The following DEAF1 variants were observed in gnomAD, a reference collection of about 807,000 sequenced individuals.
DEAF1 encodes the protein DEAF1 transcription factor.
A neutral mutation model predicts 58.9 loss-of-function variants in DEAF1; 53 were observed. That is an observed-to-expected ratio of 0.90 (90% CI 0.72 to 1.13). DEAF1 has a LOEUF of 1.13. DEAF1 is among the 50% of genes most tolerant of loss of function. The pLI, the probability that DEAF1 is intolerant of heterozygous loss-of-function variation, is 0.00. For missense variants in DEAF1, 685 were observed against 791.4 expected (o/e 0.87, Z 1.61); for synonymous variants, 385 against 340.4 (o/e 1.13, Z -1.44).
chr11:654,053 T>C lies in DEAF1; in HGVS notation c.1504-2A>G. The C allele has an allele frequency of 1.9e-6, 3 of 1,612,344 alleles. No homozygotes were observed. Among genetic ancestry groups the C allele is most frequent in the Non-Finnish European group, 2.5e-6 (3 of 1,179,678 alleles). Reference sequence around the variant, plus strand: ...CCGGCCGCAGTTAACGCAGGACTGCTGCAAGAAGGACACAACAGGCCAGTC... The same window carrying C: ...CCGGCCGCAGTTAACGCAGGACTGCCGCAAGAAGGACACAACAGGCCAGTC... On this transcript the variant is annotated splice_acceptor_variant, in intron 10 of 11. Coordinates refer to ENST00000382409, the MANE Select transcript of DEAF1 (RefSeq NM_021008.4). LOFTEE classifies it high-confidence loss of function.
rs144824884 is a variant in DEAF1, at chr11:701,693, G to A, written c.-438+4879C>T. Among the ~76,000 whole-genome samples, 280 of 152,208 alleles carry A rather than the reference G, an allele frequency of 1.8e-3. 2 individuals are homozygous for A. The highest frequency in any genetic ancestry group is 3.4e-3 in the Middle Eastern group (1 of 294). ...CAAAGTGCTGGGATTACAGGCGTGA[G>A]CCACCGCGCCCGGCCGGAGACAGGG... On this transcript the variant is annotated intron_variant, in intron 1 of 11. Transcript: ENST00000683307.
intron 1 of DEAF1, among the ~76,000 whole-genome samples, chr11:694,269 TAG>T (rs1860984525): frequency 8.8e-6 from 1 of 114,072 alleles, no homozygotes; most frequent in African/African-American, 3.5e-5. Context: ...CAGGTGAGGC[TAG>T]GCAGGTCACC....
chr11:678,248 G>A (rs1344947356), intron 9 of DEAF1: 3 of 195,980 alleles, frequency 1.5e-5, no homozygotes, highest in African/African-American at 7.1e-5. Context: ...ATCAAAGTTA[G>A]AATGCATTTA....
upstream of DEAF1, among the ~76,000 whole-genome samples, chr11:698,625 G>T (rs1349201411): frequency 2.0e-5 from 3 of 152,230 alleles, no homozygotes; most frequent in African/African-American, 7.2e-5. Context: ...CCACCCCGGT[G>T]CCCCCGGTAC....
intron 11 of DEAF1, among the ~76,000 whole-genome samples, chr11:649,207 C>T (rs913244511): frequency 2.0e-5 from 3 of 151,752 alleles, no homozygotes; most frequent in Non-Finnish European, 4.4e-5. Flanking sequence ...GCCGAGATTG[C>T]GCCACTGCAC....
At chr11:703,515 AG>A in intron 1 of DEAF1, 1 of 1,238,886 alleles carries the variant, frequency 8.1e-7, no homozygotes, top group African/African-American at 1.5e-5. Context: ...TTCAGAACAG[AG>A]GCCTCATCTC....
intron 10 of DEAF1, among the ~76,000 whole-genome samples, chr11:666,886 A>G (rs1031380548): frequency 1.3e-5 from 2 of 151,422 alleles, no homozygotes; most frequent in Non-Finnish European, 2.9e-5. Flanking sequence ...AAAAAAAAAA[A>G]AAAAAAAAAA....
At chr11:686,206 CCT>C in intron 5 of DEAF1, among the ~76,000 whole-genome samples, 1 of 151,198 alleles carries the variant, frequency 6.6e-6, no homozygotes, top group Admixed American at 6.6e-5. Flanking sequence ...GTGGGACAAT[CCT>C]CTGAGCCTGG....
upstream of DEAF1, among the ~76,000 whole-genome samples, chr11:696,422 C>T (rs1312664568): frequency 2.0e-5 from 3 of 152,174 alleles, no homozygotes; most frequent in Non-Finnish European, 4.4e-5. Context: ...TAAAGAATGG[C>T]TACTCCATAG....
intron 11 of DEAF1, among the ~76,000 whole-genome samples, chr11:647,139 C>T (rs1411012129): frequency 2.0e-5 from 3 of 152,068 alleles, no homozygotes; most frequent in Non-Finnish European, 4.4e-5. Flanking sequence ...GCCTGGGTGA[C>T]AAAGCGAGAC....
At chr11:682,020 C>G (rs1215040901) in intron 6 of DEAF1, among the ~76,000 whole-genome samples, 1 of 152,234 alleles carries the variant, frequency 6.6e-6, no homozygotes, top group African/African-American at 2.4e-5. Flanking sequence ...TCTCTGGGAT[C>G]CTTGCTGCTG....
At chr11:667,373 A>G (rs1229114209) in intron 10 of DEAF1, among the ~76,000 whole-genome samples, 24 of 130,450 alleles carry the variant, frequency 1.8e-4, no homozygotes, top group East Asian at 2.6e-4. Flanking sequence ...GGGAGGGAGG[A>G]AGGAAGGAAG....
upstream of DEAF1, chr11:700,024 C>T: frequency 1.3e-6 from 1 of 764,676 alleles, no homozygotes; most frequent in Non-Finnish European, 2.2e-6. Flanking sequence ...GCCAAGACTC[C>T]ATGGTCCCTT....
At chr11:693,486 T>A (rs1053129578) in intron 1 of DEAF1, 1 of 152,042 alleles carries the variant, frequency 6.6e-6, no homozygotes, top group African/African-American at 2.4e-5. Context: ...TGCCCTGACA[T>A]ACCCAGCACA....
chr11:647,023 G>A (rs938283493), intron 11 of DEAF1, among the ~76,000 whole-genome samples: 2 of 152,144 alleles, frequency 1.3e-5, no homozygotes, highest in Non-Finnish European at 2.9e-5. Context: ...GCTGGGTGTG[G>A]TGGCTCATGC....
In DEAF1 at chr11:644,688, CAGTGGGTG is replaced by C; in HGVS notation, c.1594-42_1594-35del. 2 of 1,542,138 alleles carry C rather than the reference CAGTGGGTG, an allele frequency of 1.3e-6. No individual in the cohort carries two copies. Among genetic ancestry groups the C allele is most frequent in the Non-Finnish European group, 8.8e-7 (1 of 1,132,256 alleles). On this transcript the variant is annotated intron_variant, in intron 11 of 11. Coordinates refer to ENST00000382409, the MANE Select transcript of DEAF1 (RefSeq NM_021008.4). The surrounding 1 kb of genome is among the most constrained non-coding windows in gnomAD (Gnocchi z 4.3). Reference sequence around the variant, plus strand: ...GAGGACACACCCATGTCAGCAGGGTCAGTGGGTGGAGCAGGGTCTGGGCAGGGTCCCCA... The same window carrying C: ...GAGGACACACCCATGTCAGCAGGGTCGAGCAGGGTCTGGGCAGGGTCCCCA...
Position 663,890 on chromosome 11 carries a change from A to G in DEAF1, c.1504-9839T>C, listed in dbSNP as rs1294416872. ...TCTGCTACCATGGCTTCCTGAAGCTATATGTTCATTTAAGATGTCTCAAGA... is the reference window on the plus strand; with the variant it reads ...TCTGCTACCATGGCTTCCTGAAGCTGTATGTTCATTTAAGATGTCTCAAGA... On this transcript the variant is annotated intron_variant, in intron 10 of 11. Transcript: ENST00000382409. Among the ~76,000 whole-genome samples, 5 of 152,192 alleles carry G rather than the reference A, an allele frequency of 3.3e-5. No homozygotes were observed. In the East Asian group the frequency reaches 5.8e-4, roughly 18 times the overall value.
At chr11:655,630 C>A (rs1859011611) in intron 10 of DEAF1, among the ~76,000 whole-genome samples, 1 of 152,248 alleles carries the variant, frequency 6.6e-6, no homozygotes, top group Non-Finnish European at 1.5e-5. Flanking sequence ...CGCGGCCCCA[C>A]GGCCCCTGCA....
At chr11:679,963 G>A in intron 7 of DEAF1, 147 bp from the exon 8 acceptor site, 1 of 1,139,918 alleles carries the variant, frequency 8.8e-7, no homozygotes, top group South Asian at 1.4e-5. Flanking sequence ...GAAGGACACG[G>A]GGGAAATCCC....
Sources: allele counts gnomAD v4.1 joint callset (sites outside exome capture counted in the v4.1 genomes callset), GRCh38; gene constraint gnomAD v4.1.1; non-coding constraint Gnocchi (gnomAD v3.1); transcripts MANE v1.5; gene names NCBI Gene and HGNC (gene_info 2026-07-23, HGNC 2026-07-21).